Variants in CCT6B observed in about 807,000 individuals in gnomAD.
The protein encoded by CCT6B is probable T-complex protein 1 subunit zeta-2.
CCT6B carries 49 observed loss-of-function variants against 61.5 expected under a neutral mutation model. That is an observed-to-expected ratio of 0.80 (90% CI 0.63 to 1.01). The LOEUF (loss-of-function observed/expected upper bound fraction) is 1.01. Among genes scored for constraint, CCT6B ranks in the 50% least tolerant of loss-of-function variants. The pLI is 0.00. For synonymous variants in CCT6B, 228 were observed against 214.5 expected, an observed-to-expected ratio of 1.06 and a Z score of -0.55; for missense variants, 666 against 634.7, an observed-to-expected ratio of 1.05 and a Z score of -0.53.
rs377264581 is a variant in CCT6B at position 34,948,858 on chromosome 17, C to T, written c.614+3092G>A. Among the ~76,000 whole-genome samples the T allele has an allele frequency of 1.8e-3, 274 of 151,636 alleles. 1 individual carries two copies. The highest frequency in any genetic ancestry group is 0.014 in the South Asian group (69 of 4,814). ...GACCAGCCTGGGCAACATGGCAAAA[C>T]CCTGTCTTGACAAAAAAAATATAAA... On this transcript the variant is annotated intron_variant, in intron 5 of 13. Transcript: ENST00000314144.
At position 34,958,843 on chromosome 17, in the gene CCT6B, T is replaced by C. The variant is rs563089078; in HGVS notation, c.202-149A>G. ...TTACAAGTTTTGTATTATCAATACC[T>C]AAATGTCAAGTCCAAAATTTTAAAA... On this transcript the variant is annotated intron_variant, in intron 2 of 13. Transcript: ENST00000314144. 1.2e-4 allele frequency: 62 copies of C among 520,944 alleles called. No homozygotes were observed. The East Asian group carries it at 2.0e-3, about 17-fold the overall frequency. The allele number at this position is 520,944 out of a possible 1,614,324, so 32.3% of individuals were successfully genotyped here.
chr17:34,941,352 G>T (rs1484467739), intron 7 of CCT6B, among the ~76,000 whole-genome samples: 5 of 152,108 alleles, frequency 3.3e-5, no homozygotes, highest in Admixed American at 3.3e-4. Context: ...TATATAAAAT[G>T]TTGTGTTATA....
intron 3 of CCT6B, among the ~76,000 whole-genome samples, chr17:34,956,012 C>T (rs970016697): frequency 4.6e-5 from 7 of 152,132 alleles, no homozygotes; most frequent in African/African-American, 1.4e-4. Flanking sequence ...TCATGAAAAC[C>T]TCTGGTCTAG....
chr17:34,936,776 C>T (rs2142143196), intron 10 of CCT6B, among the ~76,000 whole-genome samples: 1 of 152,122 alleles, frequency 6.6e-6, no homozygotes, highest in African/African-American at 2.4e-5. Context: ...CAAGAAGACT[C>T]AAATAGATAA....
At chr17:34,928,491 T>C (rs910632874) in intron 13 of CCT6B, among the ~76,000 whole-genome samples, 6 of 152,212 alleles carry the variant, frequency 3.9e-5, no homozygotes, top group Non-Finnish European at 8.8e-5. Context: ...CAGGCTGGTC[T>C]CGAACTCCTG....
intron 9 of CCT6B, 65 bp downstream of exon 9, chr17:34,939,552 G>T: frequency 9.7e-7 from 1 of 1,029,884 alleles, no homozygotes; most frequent in Non-Finnish European, 1.5e-6. Flanking sequence ...AGGTCAAGTA[G>T]TATTTTTCTT....
intron 5 of CCT6B, among the ~76,000 whole-genome samples, chr17:34,946,667 A>T (rs1216649697): frequency 6.6e-6 from 1 of 152,264 alleles, no homozygotes; most frequent in Non-Finnish European, 1.5e-5. Flanking sequence ...AATGCCAATG[A>T]ACAGCAGAAT....
At position 34,958,422 on chromosome 17, in the gene CCT6B, C is replaced by T. The variant is rs190874664; in HGVS notation, c.336+138G>A. 1.6e-3 allele frequency: 712 copies of T among 448,016 alleles called. 8 individuals are homozygous for T. The highest frequency in any genetic ancestry group is 0.013 in the African/African-American group (659 of 49,016). 27.8% of individuals were successfully genotyped at this position (448,016 alleles called of 1,614,324 possible). Reference sequence around the variant, plus strand: ...TTCTGCCACTGCACTCCAGCCTGGGCGACACAGTGAGACTCCATCTCAAAA... The same window carrying T: ...TTCTGCCACTGCACTCCAGCCTGGGTGACACAGTGAGACTCCATCTCAAAA... On this transcript the variant is annotated intron_variant, in intron 3 of 13. Transcript: ENST00000314144.
chr17:34,961,417 A>G lies in CCT6B; in HGVS notation c.-24T>C. 6.4e-7 allele frequency: 1 copy of G among 1,566,378 alleles called. No homozygotes were observed. ...ATAGCCTAACCGTTCAGAGGGAGAA[A>G]AAAAAAAAGCCTTAGTCGCGATTCT... On this transcript the variant is annotated 5_prime_UTR_variant, in exon 1 of 14. Coordinates refer to ENST00000314144, the MANE Select transcript of CCT6B (RefSeq NM_006584.4).
rs368321417 is a variant in CCT6B, at chr17:34,938,424, C to T, written c.1213+759G>A. The stretch of plus-strand genomic sequence containing the variant: ...TCTACAAAAAAAAATTAAAAATTAG[C>T]CAGGTGTGGTGGCATGCACCTATCG... On this transcript the variant is annotated intron_variant, in intron 10 of 13. Coordinates refer to ENST00000314144, the MANE Select transcript of CCT6B (RefSeq NM_006584.4). 7.8e-4 allele frequency among the ~76,000 whole-genome samples: 118 copies of T among 151,918 alleles called. 5 individuals carry two copies. In the South Asian group the frequency reaches 0.022, roughly 28 times the overall value.
intron 12 of CCT6B, among the ~76,000 whole-genome samples, chr17:34,930,122 A>C (rs963087667): frequency 6.6e-5 from 10 of 152,130 alleles, no homozygotes; most frequent in African/African-American, 1.2e-4. Context: ...AAATACAAAA[A>C]TTAGCCGGGC....
chr17:34,954,747 G>T, intron 3 of CCT6B, 148 bp from the exon 4 acceptor site: 1 of 604,414 alleles, frequency 1.7e-6, no homozygotes, highest in Non-Finnish European at 2.7e-6. Flanking sequence ...TCATTTTAGT[G>T]CTTCATACTT....
rs1257132950 is a variant in CCT6B at position 34,961,347 on chromosome 17, G to A, written c.47C>T (p.Ala16Val). 2 of 1,611,998 alleles carry A rather than the reference G, an allele frequency of 1.2e-6. No homozygotes were observed. The highest frequency in any genetic ancestry group is 2.7e-5 in the African/African-American group (2 of 74,892). Residue 16 changes from alanine to valine, a missense_variant, in exon 1 of 14, where the codon GCC (alanine) becomes GTC (valine). By Grantham distance (64) the Ala-to-Val change is moderately conservative. Transcript: ENST00000314144. ...TATATTGACAGCCAAAGCTGCCCGG[G>A]CCCGCGCCACCTCAGCCTTGGAGTT... The part of the protein sequence containing the change: ...AVNSKAEVAR[A>V]RAALAVNICA...
At chr17:34,939,402 T>C in intron 9 of CCT6B, 72 bp from the exon 10 acceptor site, 1 of 1,270,774 alleles carries the variant, frequency 7.9e-7, no homozygotes, top group Non-Finnish European at 1.1e-6. Flanking sequence ...TATACTAGAA[T>C]ACAATCTTCA....
intron 12 of CCT6B, 33 bp from the exon 13 acceptor site, chr17:34,929,067 C>G: frequency 7.6e-7 from 1 of 1,324,058 alleles, no homozygotes; most frequent in Non-Finnish European, 1.1e-6. Context: ...ATACCAAAAT[C>G]TTAGTATTTG....
rs1422369263 is a variant in CCT6B, at chr17:34,930,997, C to T, written c.1402G>A (p.Ala468Thr). ...DPQETLVKVQ[A>T]EHVESKQLVG... is the part of the protein sequence containing the mutation. ...AGTTGTTTTGACTCGACATGCTCAG[C>T]CTGAACTTTTACTAATGTTTCCTGT... The change falls in exon 12 of 14, where the codon GCT becomes ACT. Residue 468 changes from alanine to threonine, a missense_variant. Physicochemically the swap from Ala to Thr is moderately conservative, Grantham distance 58. Transcript: ENST00000314144. The T allele has an allele frequency of 3.7e-6, 6 of 1,605,678 alleles. No homozygotes were observed. The South Asian group carries it at 5.5e-5, about 15-fold the overall frequency.
chr17:34,958,778 T>C lies in CCT6B; in HGVS notation c.202-84A>G, dbSNP rs76264376. 4.5e-4 allele frequency: 436 copies of C among 978,198 alleles called. 3 individuals are homozygous for C. In the African/African-American group the frequency reaches 6.4e-3, roughly 14 times the overall value. 60.6% of individuals were successfully genotyped at this position (978,198 alleles called of 1,614,324 possible). A position where few individuals can be genotyped will look rare whatever the true frequency, so the allele number is the denominator to read the frequency against. ...AAAAGCAAGATAACCTAGGGGTCAG[T>C]AGCAAAATTAAAAAATGAAATAAGC... On this transcript the variant is annotated intron_variant, in intron 2 of 13. Coordinates refer to ENST00000314144, the MANE Select transcript of CCT6B (RefSeq NM_006584.4).
At chr17:34,935,368 C>G (rs747718507) in intron 10 of CCT6B, among the ~76,000 whole-genome samples, 2 of 152,066 alleles carry the variant, frequency 1.3e-5, no homozygotes, top group Non-Finnish European at 2.9e-5. Flanking sequence ...CTTACTAACA[C>G]TGAACTGTAC....
At chr17:34,943,179 C>A in intron 5 of CCT6B, 1 of 275,292 alleles carries the variant, frequency 3.6e-6, no homozygotes, top group Non-Finnish European at 6.7e-6. Flanking sequence ...ACCTCACCCA[C>A]CTCCTTGCAT....
Sources: gnomAD v4.1 joint callset for allele counts (sites outside exome capture counted in the v4.1 genomes callset) on GRCh38, gnomAD v4.1.1 for gene constraint, MANE v1.5 for transcripts, NCBI Gene and HGNC (gene_info 2026-07-23, HGNC 2026-07-21) for gene names.